The following DOCK1 variants were observed in gnomAD, a reference collection of about 807,000 sequenced individuals.
DOCK1 encodes dedicator of cytokinesis protein 1.
In DOCK1, 138 loss-of-function variants were observed where a neutral mutation model predicts 262.7. The observed-to-expected ratio is 0.53, with a 90% CI of 0.46 to 0.61. DOCK1 has a LOEUF of 0.61. Among genes scored for constraint, DOCK1 ranks in the 20% least tolerant of loss-of-function variants. DOCK1 has a pLI of 0.00. For missense variants in DOCK1, 1,908 were observed against 2,370.7 expected (o/e 0.80, Z 4.05); for synonymous variants, 866 against 867.4 (o/e 1.00, Z 0.03).
intron 29 of DOCK1, among the ~76,000 whole-genome samples, chr10:127,315,277 A>C (rs547115799): frequency 6.6e-5 from 10 of 152,308 alleles, no homozygotes; most frequent in African/African-American, 2.4e-4. Context: ...TCCAAAATTC[A>C]TGTTGAGGTC....
intron 24 of DOCK1, among the ~76,000 whole-genome samples, chr10:127,107,597 C>A (rs2048607752): frequency 6.6e-6 from 1 of 152,210 alleles, no homozygotes; most frequent in Non-Finnish European, 1.5e-5. Flanking sequence ...CATGCTTCTC[C>A]AAGAGCGGGC....
intron 38 of DOCK1, among the ~76,000 whole-genome samples, chr10:127,386,776 C>T (rs557387267): frequency 4.1e-4 from 62 of 152,272 alleles, no homozygotes; most frequent in Admixed American, 1.2e-3. Flanking sequence ...TCCCCCACCC[C>T]GGTCCATGGA....
intron 23 of DOCK1, among the ~76,000 whole-genome samples, chr10:127,068,333 T>C (rs544940815): frequency 1.3e-5 from 2 of 152,324 alleles, no homozygotes; most frequent in South Asian, 4.1e-4. Flanking sequence ...GAACAAATGA[T>C]CTGAATGTGT....
At chr10:127,249,102 T>C (rs1007835784) in intron 28 of DOCK1, among the ~76,000 whole-genome samples, 18 of 152,102 alleles carry the variant, frequency 1.2e-4, no homozygotes, top group African/African-American at 3.6e-4. Flanking sequence ...AGAATACTCA[T>C]AGATACCTGC....
chr10:127,200,895 C>T (rs1240139962), intron 27 of DOCK1, among the ~76,000 whole-genome samples: 1 of 152,178 alleles, frequency 6.6e-6, no homozygotes, highest in African/African-American at 2.4e-5. Context: ...CTCTAGTCCT[C>T]ACTCAAAATG....
At chr10:126,941,969 A>G (rs2035044164) in intron 1 of DOCK1, among the ~76,000 whole-genome samples, 3 of 152,034 alleles carry the variant, frequency 2.0e-5, no homozygotes, top group Non-Finnish European at 2.9e-5. Flanking sequence ...AAGTCACATC[A>G]TGAGGAGGGG....
chr10:126,996,646 T>G, intron 6 of DOCK1, 102 bp from the exon 7 acceptor site: 1 of 1,226,370 alleles, frequency 8.2e-7, no homozygotes, highest in Non-Finnish European at 1.1e-6. Context: ...CCCGAGTTTC[T>G]AGGTTGTTTT....
intron 1 of DOCK1, among the ~76,000 whole-genome samples, chr10:126,918,465 A>G (rs1213443135): frequency 1.3e-5 from 2 of 152,232 alleles, no homozygotes; most frequent in African/African-American, 4.8e-5. Flanking sequence ...GGGTCATGTC[A>G]GCACAGTTTC....
At chr10:126,916,130 C>T (rs1030012705) in intron 1 of DOCK1, among the ~76,000 whole-genome samples, 1 of 152,108 alleles carries the variant, frequency 6.6e-6, no homozygotes, top group Non-Finnish European at 1.5e-5. Context: ...ACTGCTGCCA[C>T]CTCTGCCCTC....
At chr10:127,325,492 C>T (rs2062713713) in intron 29 of DOCK1, among the ~76,000 whole-genome samples, 1 of 152,194 alleles carries the variant, frequency 6.6e-6, no homozygotes, top group Admixed American at 6.5e-5. Flanking sequence ...GAAATCTGCT[C>T]AGTGTTTACA....
In DOCK1 at chr10:127,083,261, T is replaced by C. The variant is rs1218336345; in HGVS notation, c.2445+21485T>C. Among the ~76,000 whole-genome samples, 5 of 152,214 alleles carry C rather than the reference T, an allele frequency of 3.3e-5. 1 individual carries two copies. Among genetic ancestry groups the C allele is most frequent in the Non-Finnish European group, 7.3e-5 (5 of 68,044 alleles). ...GTGAACTGGAGATCAGTAAGTTATTTTGAAAATGCACCTGCTGTGGCATTT... is the reference window on the plus strand; with the variant it reads ...GTGAACTGGAGATCAGTAAGTTATTCTGAAAATGCACCTGCTGTGGCATTT... On this transcript the variant is annotated intron_variant, in intron 23 of 51. Coordinates refer to ENST00000623213, the MANE Select transcript of DOCK1 (RefSeq NM_001290223.2).
chr10:127,188,346 G>T (rs551103243), intron 27 of DOCK1, among the ~76,000 whole-genome samples: 23 of 152,316 alleles, frequency 1.5e-4, no homozygotes, highest in African/African-American at 5.5e-4. Flanking sequence ...TTGTCACTGA[G>T]CAGACCCATA....
intron 24 of DOCK1, among the ~76,000 whole-genome samples, chr10:127,106,988 C>T (rs2048567247): frequency 6.6e-6 from 1 of 152,068 alleles, no homozygotes; most frequent in Non-Finnish European, 1.5e-5. Context: ...ATAGGGGTCT[C>T]ACTCTGTTGC....
Position 127,337,696 on chromosome 10 carries a change from C to A in DOCK1, c.3045-1310C>A, listed in dbSNP as rs570612384. Among the ~76,000 whole-genome samples the A allele has an allele frequency of 9.9e-5, 15 of 152,234 alleles. No homozygotes were observed. In the Middle Eastern group the frequency reaches 0.01, roughly 104 times the overall value. On this transcript the variant is annotated intron_variant, in intron 29 of 51. Transcript: ENST00000623213. Reference sequence around the variant, plus strand: ...TCCTTTCTGGTTATATTTTAATGTCCCCGGGGAAGAAGTCAAATAACTCCA... The same window carrying A: ...TCCTTTCTGGTTATATTTTAATGTCACCGGGGAAGAAGTCAAATAACTCCA...
chr10:127,434,014 C>T (rs1226993470), intron 48 of DOCK1, among the ~76,000 whole-genome samples: 1 of 152,042 alleles, frequency 6.6e-6, no homozygotes, highest in African/African-American at 2.4e-5. Context: ...ATCTCCTGTT[C>T]ACCTCCAGGG....
chr10:127,080,620 A>T (rs1591944231), intron 23 of DOCK1, among the ~76,000 whole-genome samples: 1 of 152,096 alleles, frequency 6.6e-6, no homozygotes, highest in East Asian at 1.9e-4. Flanking sequence ...GACATCGTGC[A>T]GAGCTGAACA....
intron 24 of DOCK1, among the ~76,000 whole-genome samples, chr10:127,107,332 T>A (rs762989149): frequency 3.3e-5 from 5 of 152,168 alleles, no homozygotes; most frequent in Non-Finnish European, 5.9e-5. Flanking sequence ...CTGTACTTTA[T>A]GTCTACCATA....
chr10:127,303,638 C>A (rs2061769719), intron 29 of DOCK1, among the ~76,000 whole-genome samples: 1 of 118,494 alleles, frequency 8.4e-6, no homozygotes, highest in Admixed American at 7.5e-5. Flanking sequence ...GTAAGAGCAT[C>A]ATTTGAGCTC....
intron 28 of DOCK1, among the ~76,000 whole-genome samples, chr10:127,256,285 C>G (rs964991612): frequency 6.6e-6 from 1 of 152,204 alleles, no homozygotes; most frequent in East Asian, 1.9e-4. Flanking sequence ...TTTGCAGGAG[C>G]TGCTTATTTA....
Sources: allele counts gnomAD v4.1 joint callset (sites outside exome capture counted in the v4.1 genomes callset), GRCh38; gene constraint gnomAD v4.1.1; transcripts MANE v1.5; gene names NCBI Gene and HGNC (gene_info 2026-07-23, HGNC 2026-07-21).